Variants in GRIK1 observed in about 807,000 individuals in gnomAD.
The protein encoded by GRIK1 is glutamate receptor ionotropic, kainate 1.
GRIK1 carries 69 observed loss-of-function variants against 105.7 expected under a neutral mutation model. That is an observed-to-expected ratio of 0.65 (90% CI 0.54 to 0.80). The LOEUF (loss-of-function observed/expected upper bound fraction) is 0.80, where lower values mean the gene tolerates loss of function less well. Ranked by LOEUF, GRIK1 falls within the 30% of genes least tolerant of loss-of-function variation. The probability of loss-of-function intolerance (pLI) is 0.00; values close to 1 mark genes in which losing one functional copy is unlikely to be tolerated. For missense variants in GRIK1, 1,109 were observed against 1,167.3 expected (o/e 0.95, Z 0.73); for synonymous variants, 438 against 431.3 (o/e 1.02, Z -0.19).
chr21:29,863,379 T>A (rs2068704968), intron 1 of GRIK1, among the ~76,000 whole-genome samples: 1 of 152,208 alleles, frequency 6.6e-6, no homozygotes, highest in Non-Finnish European at 1.5e-5. Context: ...CAGTTTGTAC[T>A]CTATAGAGTT....
chr21:29,854,744 G>A (rs1236521276), intron 1 of GRIK1, among the ~76,000 whole-genome samples: 2 of 152,148 alleles, frequency 1.3e-5, no homozygotes, highest in South Asian at 2.1e-4. Context: ...TCAAGGATCC[G>A]GGGAGTGATG....
At chr21:29,888,161 T>TCTTTCTTTCTTTCTTTCTTTC (rs1555905460) in intron 1 of GRIK1, among the ~76,000 whole-genome samples, 6 of 7,306 alleles carry the variant, frequency 8.2e-4, no homozygotes, top group African/African-American at 1.8e-3. Flanking sequence ...CTCCTTTCTT[T>TCTTTCTTTCTTTCTTTCTTTC]TTTCTTTCTT....
chr21:29,772,569 T>A (rs412979), intron 1 of GRIK1, among the ~76,000 whole-genome samples: 101,874 of 152,038 alleles, frequency 0.67, 35,171 homozygotes, highest in Non-Finnish European at 0.74. Context: ...GGAGAGGAAC[T>A]CAATTAACTA....
chr21:29,782,172 T>C (rs371625095), intron 1 of GRIK1, among the ~76,000 whole-genome samples: 106 of 147,890 alleles, frequency 7.2e-4, no homozygotes, highest in East Asian at 2.3e-3. Flanking sequence ...CTGCAAGCTC[T>C]GCCTCCCGGG....
Position 29,706,976 on chromosome 21 carries a change from T to C in GRIK1, c.119-12913A>G, listed in dbSNP as rs191662861. 6.3e-4 allele frequency among the ~76,000 whole-genome samples: 96 copies of C among 152,312 alleles called. 1 individual carries two copies. In the East Asian group the frequency reaches 0.012, roughly 18 times the overall value. On this transcript the variant is annotated intron_variant, in intron 1 of 17. Coordinates refer to ENST00000327783, the MANE Select transcript of GRIK1 (RefSeq NM_001330994.2). The stretch of plus-strand genomic sequence containing the variant: ...GCCTCCCGGGTTCACGCCATTCTCC[T>C]GCCTCGGCCTCCAAAGTAGCTTGGA...
At chr21:29,548,604 G>A (rs76063063) in intron 16 of GRIK1, among the ~76,000 whole-genome samples, 3,677 of 152,232 alleles carry the variant, frequency 0.024, 136 homozygotes, top group African/African-American at 0.083. Context: ...GTTAAAGGCT[G>A]TTCAGACTCT....
intron 7 of GRIK1, among the ~76,000 whole-genome samples, chr21:29,607,250 TC>T (rs1234970102): frequency 6.6e-6 from 1 of 152,140 alleles, no homozygotes; most frequent in Non-Finnish European, 1.5e-5. Flanking sequence ...TTTTCTTTTG[TC>T]TGAGCAAGAT....
chr21:29,577,125 A>C lies in GRIK1; in HGVS notation c.1969T>G (p.Phe657Val), dbSNP rs1601164577. 1.2e-6 allele frequency: 2 copies of C among 1,612,838 alleles called. No homozygotes were observed. Among genetic ancestry groups the C allele is most frequent in the Non-Finnish European group, 1.7e-6 (2 of 1,178,950 alleles). ...GATGAAATGATGATTAGGGTGAAAA[A>C]CCACCATATCCCTCCAACTATTCTG... Reference protein sequence around the residue: ...STRIVGGIWWFFTLIIISSYT... With the variant: ...STRIVGGIWWVFTLIIISSYT... Residue 657 changes from phenylalanine to valine, a missense_variant, in exon 14 of 18, where the codon TTT becomes GTT. Around this residue, in one of 5 missense-constraint regions of GRIK1, gnomAD observed 264 missense variants for 306.9 expected, o/e 0.86. Coordinates refer to ENST00000327783, the MANE Select transcript of GRIK1 (RefSeq NM_001330994.2).
At chr21:29,801,857 ACT>A (rs981961417) in intron 1 of GRIK1, among the ~76,000 whole-genome samples, 3 of 151,458 alleles carry the variant, frequency 2.0e-5, no homozygotes, top group African/African-American at 7.3e-5. Context: ...GACTCTACCC[ACT>A]CTCTTTTTTT....
Position 29,594,724 on chromosome 21 carries a change from T to C in GRIK1, c.1251+1802A>G, listed in dbSNP as rs74755291. Among the ~76,000 whole-genome samples, 192 of 152,284 alleles carry C rather than the reference T, an allele frequency of 1.3e-3. 1 individual carries two copies. In the East Asian group the frequency reaches 0.015, roughly 12 times the overall value. On this transcript the variant is annotated intron_variant, in intron 9 of 17. Transcript: ENST00000327783. ...GCCACTAGTATCTATCTTCTAAACC[T>C]AGACAGTGATTCATGTAAACTCAAC...
chr21:29,576,893 T>C (rs2090908452), intron 14 of GRIK1, 71 bp downstream of exon 14: 1 of 845,478 alleles, frequency 1.2e-6, no homozygotes, highest in Non-Finnish European at 1.8e-6. Flanking sequence ...TTCTTTTTTT[T>C]TTCGACAGAT....
At chr21:29,615,188 A>C (rs532983959) in intron 7 of GRIK1, among the ~76,000 whole-genome samples, 3 of 151,678 alleles carry the variant, frequency 2.0e-5, no homozygotes, top group Non-Finnish European at 2.9e-5. Flanking sequence ...TATAACCCAC[A>C]TCATAGCAGT....
intron 1 of GRIK1, among the ~76,000 whole-genome samples, chr21:29,877,637 C>T (rs1181981409): frequency 6.6e-6 from 1 of 152,166 alleles, no homozygotes; most frequent in East Asian, 1.9e-4. Context: ...CAGATATAAC[C>T]CCTATTATTC....
At chr21:29,871,975 G>T (rs944206428) in intron 1 of GRIK1, among the ~76,000 whole-genome samples, 2 of 151,626 alleles carry the variant, frequency 1.3e-5, no homozygotes, top group African/African-American at 4.8e-5. Flanking sequence ...TGTTGCCCAG[G>T]CTGGTCTTGA....
At chr21:29,709,644 A>G (rs2063998827) in intron 1 of GRIK1, among the ~76,000 whole-genome samples, 1 of 152,102 alleles carries the variant, frequency 6.6e-6, no homozygotes, top group Non-Finnish European at 1.5e-5. Flanking sequence ...ATTTATATTT[A>G]TATCAGGATA....
rs145980178 is a variant in GRIK1 at position 29,617,564 on chromosome 21, ACCCGGG to A, written c.1099-18633_1099-18628del. 3.2e-3 allele frequency among the ~76,000 whole-genome samples: 485 copies of A among 152,338 alleles called. 6 individuals carry two copies. Among genetic ancestry groups the A allele is most frequent in the African/African-American group, 0.011 (459 of 41,580 alleles). On this transcript the variant is annotated intron_variant, in intron 7 of 17. Coordinates refer to ENST00000327783, the MANE Select transcript of GRIK1 (RefSeq NM_001330994.2). Reference sequence around the variant, plus strand: ...CCCAACCGCCATACATCCCCCAGGTACCCGGGCCCAGTGCCAAGACAGGAGTGTTTT... The same window carrying A: ...CCCAACCGCCATACATCCCCCAGGTACCCAGTGCCAAGACAGGAGTGTTTT...
At chr21:29,874,923 A>C (rs2069138143) in intron 1 of GRIK1, among the ~76,000 whole-genome samples, 1 of 152,140 alleles carries the variant, frequency 6.6e-6, no homozygotes, top group South Asian at 2.1e-4. Context: ...ACGATTTCCA[A>C]AATGACTATT....
intron 16 of GRIK1, among the ~76,000 whole-genome samples, chr21:29,545,873 T>C (rs898096516): frequency 6.6e-6 from 1 of 152,244 alleles, no homozygotes; most frequent in African/African-American, 2.4e-5. Flanking sequence ...CCCCATCTGC[T>C]AGTGTGTCTT....
intron 1 of GRIK1, among the ~76,000 whole-genome samples, chr21:29,915,680 C>T (rs188516952): frequency 1.3e-5 from 2 of 152,080 alleles, no homozygotes; most frequent in African/African-American, 4.8e-5. Context: ...GGATCTGAGT[C>T]TCTGCCTGAG....
Sources: gnomAD v4.1 joint callset for allele counts (sites outside exome capture counted in the v4.1 genomes callset) on GRCh38, gnomAD v4.1.1 for gene constraint, gnomAD v4.1.1 regional missense constraint, MANE v1.5 for transcripts, NCBI Gene and HGNC (gene_info 2026-07-23, HGNC 2026-07-21) for gene names.